UTRN: variants seen among roughly 807,000 people sequenced by gnomAD.
The protein encoded by UTRN is utrophin.
In UTRN, 283 loss-of-function variants were observed where a neutral mutation model predicts 463.9. That is an observed-to-expected ratio of 0.61 (90% confidence interval 0.55 to 0.67). The LOEUF (loss-of-function observed/expected upper bound fraction) is 0.67, where lower values mean the gene tolerates loss of function less well. Among genes scored for constraint, UTRN ranks in the 30% least tolerant of loss-of-function variants. The probability of loss-of-function intolerance (pLI) is 0.00; values close to 1 mark genes in which losing one functional copy is unlikely to be tolerated. For missense variants in UTRN, 3,922 were observed against 4,084.3 expected, an observed-to-expected ratio of 0.96 and a Z score of 1.08; for synonymous variants, 1,442 against 1,431.5, an observed-to-expected ratio of 1.01 and a Z score of -0.17.
chr6:144,850,067 G>C (rs1253793873), intron 74 of UTRN, among the ~76,000 whole-genome samples: 1 of 152,180 alleles, frequency 6.6e-6, no homozygotes, highest in Non-Finnish European at 1.5e-5. Context: ...ACCCATCAGT[G>C]TTTGCTGAAT....
At chr6:144,564,202 G>A (rs1277721388) in intron 50 of UTRN, among the ~76,000 whole-genome samples, 2 of 152,148 alleles carry the variant, frequency 1.3e-5, no homozygotes, top group Admixed American at 6.6e-5. Flanking sequence ...CATAATTATA[G>A]GAGGTTGTTT....
Position 144,753,583 on chromosome 6 carries a change from C to G in UTRN, c.8356-1137C>G, listed in dbSNP as rs112612621. ...ACAGTGAGCTATGTTTGTGCCACCG[C>G]ACTCCAGCCTGGGCAACAGAGTGAG... On this transcript the variant is annotated intron_variant, in intron 56 of 74. Transcript: ENST00000367545. Among the ~76,000 whole-genome samples the G allele has an allele frequency of 8.5e-3, 1,288 of 151,912 alleles. 14 individuals are homozygous for G. The highest frequency in any genetic ancestry group is 0.03 in the African/African-American group (1,233 of 41,414).
chr6:144,533,170 A>T lies in UTRN; in HGVS notation c.6143A>T (p.Gln2048Leu), dbSNP rs753407765. ...TGDGIVQKLS[Q>L]ADGSFLKEKL... ...GATGGGATTGTGCAGAAACTCTCCC[A>T]GGCAGATGGAAGCTTCTTGAAAGAA... Residue 2048 changes from glutamine (Q) to leucine (L), a missense_variant, in exon 43 of 75, where the codon CAG becomes CTG. Gln to Leu is a moderately radical substitution (Grantham distance 113). Around this residue, in one of 3 missense-constraint regions of UTRN, gnomAD observed 2,349 missense variants for 2,303.8 expected, o/e 1.02. Transcript: ENST00000367545. 7 of 1,614,064 alleles carry T rather than the reference A, an allele frequency of 4.3e-6. No individual in the cohort carries two copies. Among genetic ancestry groups the T allele is most frequent in the Non-Finnish European group, 5.9e-6 (7 of 1,180,014 alleles).
At chr6:144,846,422 A>G (rs1318649134) in intron 73 of UTRN, among the ~76,000 whole-genome samples, 1 of 152,230 alleles carries the variant, frequency 6.6e-6, no homozygotes, top group Non-Finnish European at 1.5e-5. Flanking sequence ...TTATGCCTTC[A>G]GTGGTCCCTT....
chr6:144,831,909 C>A (rs1375375756), intron 69 of UTRN, among the ~76,000 whole-genome samples: 1 of 152,156 alleles, frequency 6.6e-6, no homozygotes, highest in Non-Finnish European at 1.5e-5. Context: ...GAAAGAAAAT[C>A]ATTATTTTTA....
At chr6:144,795,062 C>T (rs1259244235) in intron 63 of UTRN, among the ~76,000 whole-genome samples, 3 of 152,110 alleles carry the variant, frequency 2.0e-5, no homozygotes, top group African/African-American at 4.8e-5. Context: ...TGATGTTCCC[C>T]TCCCTGTGTC....
intron 52 of UTRN, among the ~76,000 whole-genome samples, chr6:144,690,486 A>G (rs1783286532): frequency 6.6e-6 from 1 of 152,096 alleles, no homozygotes; most frequent in Non-Finnish European, 1.5e-5. Context: ...GGAGATGGAA[A>G]CTGCAGGGCT....
At chr6:144,358,099 A>G (rs1374363658) in intron 2 of UTRN, among the ~76,000 whole-genome samples, 1 of 152,256 alleles carries the variant, frequency 6.6e-6, no homozygotes, top group African/African-American at 2.4e-5. Flanking sequence ...GGACAATAGA[A>G]GCATCTATCT....
At chr6:144,616,923 A>G (rs1806180700) in intron 51 of UTRN, among the ~76,000 whole-genome samples, 1 of 152,190 alleles carries the variant, frequency 6.6e-6, no homozygotes, top group African/African-American at 2.4e-5. Flanking sequence ...GGAATACGGG[A>G]AGACTATTTG....
At chr6:144,712,683 A>G (rs1233920006) in intron 53 of UTRN, among the ~76,000 whole-genome samples, 1 of 152,224 alleles carries the variant, frequency 6.6e-6, no homozygotes, top group Non-Finnish European at 1.5e-5. Flanking sequence ...GCAGTGATGC[A>G]GGCTTGAAAA....
At chr6:144,343,353 G>A (rs918855985) in intron 2 of UTRN, among the ~76,000 whole-genome samples, 3 of 139,710 alleles carry the variant, frequency 2.1e-5, no homozygotes, top group South Asian at 2.3e-4. Flanking sequence ...GTGAAATCCC[G>A]TCTCTACTAA....
chr6:144,578,430 G>A (rs1421531884), intron 51 of UTRN, among the ~76,000 whole-genome samples: 1 of 152,112 alleles, frequency 6.6e-6, no homozygotes, highest in African/African-American at 2.4e-5. Flanking sequence ...TGCCTCCTGG[G>A]TTCAAGTGAT....
At chr6:144,771,679 G>A (rs1357930660) in intron 58 of UTRN, among the ~76,000 whole-genome samples, 1 of 151,954 alleles carries the variant, frequency 6.6e-6, no homozygotes, top group Admixed American at 6.6e-5. Flanking sequence ...ACCTGCCTCG[G>A]CCTCCCAAAG....
At chr6:144,802,517 T>G (rs1777784703) in intron 64 of UTRN, among the ~76,000 whole-genome samples, 1 of 152,208 alleles carries the variant, frequency 6.6e-6, no homozygotes, top group South Asian at 2.1e-4. Context: ...GTTTTGCTTT[T>G]GTAAATAAGA....
chr6:144,322,897 T>C (rs1427479940), intron 2 of UTRN, among the ~76,000 whole-genome samples: 2 of 150,304 alleles, frequency 1.3e-5, no homozygotes, highest in East Asian at 2.0e-4. Context: ...GAGCCGAGAT[T>C]GCGCCACTGC....
chr6:144,764,496 A>G (rs1793049829), intron 58 of UTRN, among the ~76,000 whole-genome samples: 1 of 152,170 alleles, frequency 6.6e-6, no homozygotes, highest in Non-Finnish European at 1.5e-5. Context: ...CATTATAGTG[A>G]CACCATCAGC....
chr6:144,787,731 G>A (rs898310203), intron 61 of UTRN, among the ~76,000 whole-genome samples: 1 of 152,032 alleles, frequency 6.6e-6, no homozygotes, highest in East Asian at 1.9e-4. Flanking sequence ...TTAAAGTTAC[G>A]TGATACAAAT....
At chr6:144,448,538 TG>T in intron 16 of UTRN, 61 bp from the exon 17 acceptor site, 1 of 1,554,402 alleles carries the variant, frequency 6.4e-7, no homozygotes, top group Middle Eastern at 1.7e-4. Flanking sequence ...TTTTATAGCA[TG>T]TGAATTACAT....
Position 144,635,514 on chromosome 6 carries a change from C to T in UTRN, c.7480-42892C>T, listed in dbSNP as rs866561434. ...TACTTAGCAGCTAGCCTTTTTTTTT[C>T]TTTTTTTTTTTTTTTCTTTTCTTTT... On this transcript the variant is annotated intron_variant, in intron 51 of 74. Transcript: ENST00000367545. 8.1e-3 allele frequency among the ~76,000 whole-genome samples: 647 copies of T among 79,826 alleles called. 6 individuals are homozygous for T. Among genetic ancestry groups the T allele is most frequent in the African/African-American group, 0.017 (352 of 20,424 alleles). The allele number at this position is 79,826 out of a possible 152,430, so 52.4% of individuals were successfully genotyped here. A position where few individuals can be genotyped will look rare whatever the true frequency, so the allele number is the denominator to read the frequency against.
Sources: allele counts gnomAD v4.1 joint callset (sites outside exome capture counted in the v4.1 genomes callset), GRCh38; gene constraint gnomAD v4.1.1; regional missense constraint gnomAD v4.1.1; transcripts MANE v1.5; gene names NCBI Gene and HGNC (gene_info 2026-07-23, HGNC 2026-07-21).